The following GREB1 variants were observed in gnomAD, a reference collection of about 807,000 sequenced individuals.
GREB1 encodes the protein protein GREB1.
In GREB1, 106 loss-of-function variants were observed where a neutral mutation model predicts 200.7. The ratio of observed to expected loss-of-function variants is 0.53; its 90% confidence interval spans 0.45 to 0.62. The LOEUF (loss-of-function observed/expected upper bound fraction) is 0.62. Ranked by LOEUF, GREB1 falls within the 20% of genes least tolerant of loss-of-function variation. The probability of loss-of-function intolerance (pLI) is 0.00; values close to 1 mark genes in which losing one functional copy is unlikely to be tolerated. For synonymous variants in GREB1, 1,132 were observed against 1,092.4 expected (o/e 1.04, Z -0.72); for missense variants, 2,243 against 2,556.8 (o/e 0.88, Z 2.65).
intron 31 of GREB1, among the ~76,000 whole-genome samples, 158 bp downstream of exon 31, chr2:11,638,074 T>A (rs1685525041): frequency 6.6e-6 from 1 of 152,224 alleles, no homozygotes; most frequent in African/African-American, 2.4e-5. Context: ...AGAACTGAGA[T>A]GCTTTGCCTG....
At chr2:11,521,760 C>A (rs933069017) in intron 1 of GREB1, among the ~76,000 whole-genome samples, 1 of 152,208 alleles carries the variant, frequency 6.6e-6, no homozygotes, top group Non-Finnish European at 1.5e-5. Flanking sequence ...ATGCTAATAA[C>A]GCAAACCATT....
chr2:11,640,565 A>G lies in GREB1; in HGVS notation c.*111A>G. On this transcript the variant is annotated 3_prime_UTR_variant, in exon 33 of 33. Coordinates refer to ENST00000381486, the MANE Select transcript of GREB1 (RefSeq NM_014668.4). The surrounding 1 kb of genome is among the most constrained non-coding windows in gnomAD (Gnocchi z 4.6). ...CGTTTGACTGGAATGGACCCCAGGG[A>G]CTGTCCAGGTGCAGCCCCTCCTAGT... The G allele has an allele frequency of 7.8e-7, 1 of 1,275,814 alleles. No homozygotes were observed. The highest frequency in any genetic ancestry group is 1.1e-6 in the Non-Finnish European group (1 of 893,768). 79.0% of individuals were successfully genotyped at this position (1,275,814 alleles called of 1,614,324 possible).
intron 3 of GREB1, 34 bp from the exon 4 acceptor site, chr2:11,566,446 T>C (rs1395551966): frequency 6.4e-7 from 1 of 1,565,136 alleles, no homozygotes; most frequent in East Asian, 2.3e-5. Flanking sequence ...TGGGAAGCCC[T>C]GGGCAGCGTG....
intron 1 of GREB1, among the ~76,000 whole-genome samples, chr2:11,496,987 G>A (rs967761627): frequency 1.3e-5 from 2 of 151,990 alleles, no homozygotes; most frequent in African/African-American, 4.8e-5. Context: ...GGTAGAGATG[G>A]GGTCTCACTT....
chr2:11,612,438 CT>C, intron 18 of GREB1, 56 bp from the exon 19 acceptor site: 1 of 1,517,178 alleles, frequency 6.6e-7, no homozygotes, highest in East Asian at 2.3e-5. Flanking sequence ...TTCCTCTGAG[CT>C]GGGCTGGTTG....
Position 11,640,324 on chromosome 2 carries a change from G to A in GREB1, c.5720G>A (p.Ser1907Asn). ...ATLCVICQDR[S>N]SLRQTVVRLE... ...TTGTGTGTCATCTGTCAGGACCGGAGCTCACTGCGCCAGACGGTCGTCCGC... is the reference window on the plus strand; with the variant it reads ...TTGTGTGTCATCTGTCAGGACCGGAACTCACTGCGCCAGACGGTCGTCCGC... The change falls in exon 33 of 33, where the codon AGC (serine) becomes AAC (asparagine). Residue 1907 changes from serine (S) to asparagine (N), a missense_variant. Physicochemically the swap from Ser to Asn is conservative, Grantham distance 46. Coordinates refer to ENST00000381486, the MANE Select transcript of GREB1 (RefSeq NM_014668.4). The surrounding 1 kb of genome is among the most constrained non-coding windows in gnomAD (Gnocchi z 4.6). 1 of 1,613,990 alleles carries A rather than the reference G, an allele frequency of 6.2e-7. No homozygotes were observed. Among genetic ancestry groups the A allele is most frequent in the South Asian group, 1.1e-5 (1 of 91,054 alleles).
intron 4 of GREB1, among the ~76,000 whole-genome samples, chr2:11,571,595 G>A (rs138842526): frequency 3.9e-5 from 6 of 152,326 alleles, no homozygotes; most frequent in East Asian, 1.9e-4. Context: ...AACTACTGTC[G>A]TTGCTACCGG....
In GREB1 at chr2:11,612,613, G is replaced by T; in HGVS notation, c.3122+3G>T. The T allele has an allele frequency of 6.3e-7, 1 of 1,589,002 alleles. No individual in the cohort carries two copies. Among genetic ancestry groups the T allele is most frequent in the Non-Finnish European group, 8.6e-7 (1 of 1,158,804 alleles). ...CCGCATGGGGAGTCCTTGCCGAGGT[G>T]AGTGGAGGGGTTATGCCCCTGGGGG... On this transcript the variant is annotated splice_donor_region_variant and intron_variant, in intron 19 of 32. Coordinates refer to ENST00000381486, the MANE Select transcript of GREB1 (RefSeq NM_014668.4).
At position 11,597,909 on chromosome 2, in the gene GREB1, G is replaced by A. The variant is rs758925429; in HGVS notation, c.2083G>A (p.Asp695Asn). ...NLDLGSFEKV[D>N]FLICIPPSEV... ...GGACCTGGGATCCTTTGAGAAGGTGGACTTTCTCATTTGCATTCCCCCCTC... is the reference window on the plus strand; with the variant it reads ...GGACCTGGGATCCTTTGAGAAGGTGAACTTTCTCATTTGCATTCCCCCCTC... Residue 695 changes from aspartate to asparagine, a missense_variant, in exon 14 of 33, where the codon GAC (aspartate) becomes AAC (asparagine). This residue lies in a region of GREB1 where 1,178 missense variants were observed against 1,387.4 expected (regional missense o/e 0.85). Coordinates refer to ENST00000381486, the MANE Select transcript of GREB1 (RefSeq NM_014668.4). The surrounding 1 kb of genome is among the most constrained non-coding windows in gnomAD (Gnocchi z 4.1). 9 of 1,613,960 alleles carry A rather than the reference G, an allele frequency of 5.6e-6. No individual in the cohort carries two copies. Among genetic ancestry groups the A allele is most frequent in the South Asian group, 3.3e-5 (3 of 91,074 alleles).
Position 11,556,439 on chromosome 2 carries a change from G to A in GREB1, c.-161-15G>A, listed in dbSNP as rs760998555. On this transcript the variant is annotated splice_polypyrimidine_tract_variant and intron_variant, in intron 1 of 32. Coordinates refer to ENST00000381486, the MANE Select transcript of GREB1 (RefSeq NM_014668.4). ...AAAGCTGTTACTTATATAACTTCCT[G>A]TAATTGCCCGGCAGTAGCTGCAGCT... is the stretch of plus-strand genomic sequence containing the variant. 5 of 520,818 alleles carry A rather than the reference G, an allele frequency of 9.6e-6. No individual in the cohort carries two copies. Among genetic ancestry groups the A allele is most frequent in the African/African-American group, 9.6e-5 (5 of 52,298 alleles). 32.3% of individuals were successfully genotyped at this position (520,818 alleles called of 1,614,324 possible). A position where few individuals can be genotyped will look rare whatever the true frequency, so the allele number is the denominator to read the frequency against.
rs1284045066 is a variant in GREB1 at position 11,562,444 on chromosome 2, CTCT to C, written c.158-13_158-11del. On this transcript the variant is annotated splice_polypyrimidine_tract_variant and intron_variant, in intron 2 of 32. Transcript: ENST00000381486. ...CAGACAGCAGCTGCCTTGCTCATCA[CTCT>C]TCTTCCCGCATCTAGGTGGTAGCCG... is the stretch of plus-strand genomic sequence containing the variant. The C allele has an allele frequency of 6.2e-7, 1 of 1,611,328 alleles. No homozygotes were observed. The highest frequency in any genetic ancestry group is 1.1e-5 in the South Asian group (1 of 90,932).
chr2:11,552,180 T>C (rs1675919015), intron 1 of GREB1, among the ~76,000 whole-genome samples: 1 of 152,224 alleles, frequency 6.6e-6, no homozygotes, highest in Admixed American at 6.5e-5. Flanking sequence ...TCGGCCATCA[T>C]CACTGCCCTG....
Position 11,580,644 on chromosome 2 carries a change from C to T in GREB1, c.773-60C>T. Reference sequence around the variant, plus strand: ...TGCAAGGAAAATGATTTCCTCCTTGCCTGGCTCCCAGGGCATTCTTGTGAA... The same window carrying T: ...TGCAAGGAAAATGATTTCCTCCTTGTCTGGCTCCCAGGGCATTCTTGTGAA... On this transcript the variant is annotated intron_variant, in intron 6 of 32. Coordinates refer to ENST00000381486, the MANE Select transcript of GREB1 (RefSeq NM_014668.4). The surrounding 1 kb of genome is among the most constrained non-coding windows in gnomAD (Gnocchi z 4.5). 1 of 1,536,368 alleles carries T rather than the reference C, an allele frequency of 6.5e-7. No individual in the cohort carries two copies. The highest frequency in any genetic ancestry group is 1.4e-5 in the African/African-American group (1 of 72,778).
chr2:11,572,487 G>T (rs1212089094), intron 4 of GREB1, among the ~76,000 whole-genome samples: 2 of 152,180 alleles, frequency 1.3e-5, no homozygotes, highest in African/African-American at 4.8e-5. Flanking sequence ...CTTCCAAGAA[G>T]AATCATGTCA....
At chr2:11,508,873 C>CTCT (rs1553341299) in intron 1 of GREB1, among the ~76,000 whole-genome samples, 2 of 139,576 alleles carry the variant, frequency 1.4e-5, no homozygotes, top group African/African-American at 5.5e-5. Flanking sequence ...TTCTTTCTCT[C>CTCT]TTTTTTTTTT....
chr2:11,629,884 TG>T lies in GREB1; in HGVS notation c.4450-60del. 6.5e-7 allele frequency: 1 copy of T among 1,531,552 alleles called. No homozygotes were observed. The highest frequency in any genetic ancestry group is 9.0e-7 in the Non-Finnish European group (1 of 1,113,010). 94.9% of individuals were successfully genotyped at this position (1,531,552 alleles called of 1,614,324 possible). ...GCACGTTGTCACAGCAGAGTGGGCC[TG>T]GGGTCTTCTGGGAAGCAGGCCGGAC... On this transcript the variant is annotated intron_variant, in intron 25 of 32. Transcript: ENST00000381486. This position sits in a 1 kb window ranked among gnomAD's most constrained non-coding sequence, Gnocchi z 5.2.
intron 1 of GREB1, among the ~76,000 whole-genome samples, chr2:11,499,625 T>G (rs1192892535): frequency 1.3e-5 from 2 of 152,272 alleles, no homozygotes; most frequent in Non-Finnish European, 2.9e-5. Context: ...TAAAAATCAC[T>G]TTCTTTACAT....
Position 11,618,314 on chromosome 2 carries a change from G to A in GREB1, c.3439G>A (p.Ala1147Thr). The change falls in exon 22 of 33, where the codon GCT (alanine) becomes ACT (threonine). Residue 1147 changes from alanine to threonine, a missense_variant. Ala to Thr is a moderately conservative substitution (Grantham distance 58). Coordinates refer to ENST00000381486, the MANE Select transcript of GREB1 (RefSeq NM_014668.4). ...SGSALGGESS[A>T]QPTALPQGEH... The stretch of plus-strand genomic sequence containing the variant: ...TTCAGCGCTCGGTGGCGAGTCCTCG[G>A]CTCAGCCCACAGCACTCCCCCAGGG... 6.3e-7 allele frequency: 1 copy of A among 1,582,670 alleles called. No homozygotes were observed. The highest frequency in any genetic ancestry group is 8.6e-7 in the Non-Finnish European group (1 of 1,162,818).
In GREB1 at chr2:11,585,152, AT is replaced by A; in HGVS notation, c.902-7del. 1 of 1,507,706 alleles carries A rather than the reference AT, an allele frequency of 6.6e-7. No homozygotes were observed. The allele number at this position is 1,507,706 out of a possible 1,614,324, so 93.4% of individuals were successfully genotyped here. On this transcript the variant is annotated splice_polypyrimidine_tract_variant and splice_region_variant and intron_variant, in intron 7 of 32. Transcript: ENST00000381486. Reference sequence around the variant, plus strand: ...TGATAGCCTAATCCACACTCTGAATATTGTCTAGGTATCTTGTCAAACTCCG... The same window carrying A: ...TGATAGCCTAATCCACACTCTGAATATGTCTAGGTATCTTGTCAAACTCCG...
Sources: gnomAD v4.1 joint callset for allele counts (sites outside exome capture counted in the v4.1 genomes callset) on GRCh38, gnomAD v4.1.1 for gene constraint, gnomAD v4.1.1 regional missense constraint, Gnocchi (gnomAD v3.1) non-coding constraint, MANE v1.5 for transcripts, NCBI Gene and HGNC (gene_info 2026-07-23, HGNC 2026-07-21) for gene names.